Variants in PTPRG observed in about 807,000 individuals in gnomAD.
PTPRG encodes protein tyrosine phosphatase receptor type G, also known as receptor-type tyrosine-protein phosphatase gamma.
In PTPRG, 102 loss-of-function variants were observed where a neutral mutation model predicts 165.3. That is an observed-to-expected ratio of 0.62 (90% confidence interval 0.53 to 0.73). The LOEUF is 0.73. PTPRG is among the 30% of genes least tolerant of loss of function. PTPRG has a pLI of 0.00. For missense variants in PTPRG, 1,866 were observed against 1,861.4 expected, an observed-to-expected ratio of 1.00 and a Z score of -0.05; for synonymous variants, 675 against 669.5, an observed-to-expected ratio of 1.01 and a Z score of -0.13.
chr3:61,763,879 T>TATTTAA (rs1053123749), intron 2 of PTPRG, among the ~76,000 whole-genome samples: 1 of 152,250 alleles, frequency 6.6e-6, no homozygotes, highest in Non-Finnish European at 1.5e-5. Context: ...TACATTTGGC[T>TATTTAA]ATTTAAATTT....
At chr3:62,136,490 C>T (rs557221655) in intron 6 of PTPRG, among the ~76,000 whole-genome samples, 1 of 152,212 alleles carries the variant, frequency 6.6e-6, no homozygotes, top group Non-Finnish European at 1.5e-5. Flanking sequence ...GAATGGATGA[C>T]CAGCTCAGTG....
intron 2 of PTPRG, among the ~76,000 whole-genome samples, chr3:61,883,996 G>A (rs1308635649): frequency 1.3e-5 from 2 of 152,168 alleles, no homozygotes; most frequent in African/African-American, 4.8e-5. Flanking sequence ...GATTACAGGT[G>A]TACAACATTC....
chr3:62,277,833 T>G (rs1702283631), intron 26 of PTPRG, among the ~76,000 whole-genome samples, 154 bp downstream of exon 26: 1 of 152,114 alleles, frequency 6.6e-6, no homozygotes, highest in African/African-American at 2.4e-5. Flanking sequence ...GGAGATTCCT[T>G]TCATAGTCTC....
chr3:62,201,294 T>C (rs1700090858), intron 10 of PTPRG, among the ~76,000 whole-genome samples: 1 of 152,224 alleles, frequency 6.6e-6, no homozygotes, highest in Admixed American at 6.5e-5. Context: ...AGCACGCTAC[T>C]ACCCACAAAC....
At chr3:62,230,129 C>A (rs1026570467) in intron 13 of PTPRG, among the ~76,000 whole-genome samples, 2 of 152,204 alleles carry the variant, frequency 1.3e-5, no homozygotes, top group East Asian at 1.9e-4. Flanking sequence ...AATCCCTCCC[C>A]CCTTTTAATC....
chr3:61,645,684 A>G (rs1449451706), intron 1 of PTPRG, among the ~76,000 whole-genome samples: 2 of 152,194 alleles, frequency 1.3e-5, no homozygotes, highest in Non-Finnish European at 2.9e-5. Flanking sequence ...TTTAGATCCT[A>G]TGGACCATAC....
chr3:62,066,835 C>G (rs1248565122), intron 4 of PTPRG, among the ~76,000 whole-genome samples: 1 of 152,102 alleles, frequency 6.6e-6, no homozygotes, highest in Non-Finnish European at 1.5e-5. Context: ...GTCAGGAGAT[C>G]TAGACCATCC....
At chr3:61,945,828 G>C (rs1439801277) in intron 2 of PTPRG, among the ~76,000 whole-genome samples, 1 of 152,176 alleles carries the variant, frequency 6.6e-6, no homozygotes, top group Non-Finnish European at 1.5e-5. Context: ...TACTGACAGT[G>C]ACTCTGAGAG....
At chr3:61,828,620 T>G (rs999276530) in intron 2 of PTPRG, among the ~76,000 whole-genome samples, 2 of 152,164 alleles carry the variant, frequency 1.3e-5, no homozygotes, top group African/African-American at 4.8e-5. Context: ...CCAGAGGAAG[T>G]GCTGTGTGAA....
intron 2 of PTPRG, among the ~76,000 whole-genome samples, chr3:61,926,866 A>G (rs1029633927): frequency 6.6e-5 from 10 of 151,896 alleles, no homozygotes; most frequent in African/African-American, 1.5e-4. Flanking sequence ...GACAGTGTTC[A>G]TAGTGTTAGG....
intron 5 of PTPRG, among the ~76,000 whole-genome samples, chr3:62,088,361 T>G (rs1701818856): frequency 6.6e-6 from 1 of 152,154 alleles, no homozygotes; most frequent in Non-Finnish European, 1.5e-5. Flanking sequence ...TTCATCTCGG[T>G]AGAGGGGGGT....
At chr3:61,651,775 C>CG (rs1559540873) in intron 1 of PTPRG, among the ~76,000 whole-genome samples, 1 of 151,908 alleles carries the variant, frequency 6.6e-6, no homozygotes, top group Non-Finnish European at 1.5e-5. Context: ...TTTGGGAGGC[C>CG]GAGGTAGGTG....
chr3:62,087,632 A>G (rs1701794932), intron 5 of PTPRG, among the ~76,000 whole-genome samples: 1 of 152,212 alleles, frequency 6.6e-6, no homozygotes, highest in African/African-American at 2.4e-5. Context: ...ACTCAAAATT[A>G]CACAGGCCAC....
At chr3:62,052,554 G>C (rs1324408432) in intron 4 of PTPRG, among the ~76,000 whole-genome samples, 1 of 152,152 alleles carries the variant, frequency 6.6e-6, no homozygotes, top group Non-Finnish European at 1.5e-5. Flanking sequence ...ATGTAACCAG[G>C]CATGGTGGCA....
chr3:62,143,051 C>A (rs1312281267), intron 6 of PTPRG, among the ~76,000 whole-genome samples: 1 of 152,188 alleles, frequency 6.6e-6, no homozygotes, highest in African/African-American at 2.4e-5. Flanking sequence ...ACTGGCTCTT[C>A]TGACTCCAGG....
intron 2 of PTPRG, among the ~76,000 whole-genome samples, chr3:61,981,044 A>C (rs116166974): frequency 6.6e-6 from 1 of 152,216 alleles, no homozygotes; most frequent in Admixed American, 6.5e-5. Flanking sequence ...AAGAGGTTCA[A>C]TTGACTCATA....
rs138490278 is a variant in PTPRG at position 62,204,660 on chromosome 3, A to T, written c.2155+710A>T. The stretch of plus-strand genomic sequence containing the variant: ...AGAAGTGGCTTGTTCATGGAAACCT[A>T]CAGAATGAAAGGCTTCAGCCTGGGG... On this transcript the variant is annotated intron_variant, in intron 12 of 29. Coordinates refer to ENST00000474889, the MANE Select transcript of PTPRG (RefSeq NM_002841.4). 4.4e-3 allele frequency among the ~76,000 whole-genome samples: 674 copies of T among 152,350 alleles called. 2 individuals carry two copies. Among genetic ancestry groups the T allele is most frequent in the Admixed American group, 5.6e-3 (85 of 15,306 alleles).
chr3:61,797,235 A>G (rs568232534), intron 2 of PTPRG, among the ~76,000 whole-genome samples: 2 of 152,340 alleles, frequency 1.3e-5, no homozygotes, highest in South Asian at 4.1e-4. Context: ...TCACTGATGC[A>G]GAAATTTCTT....
At chr3:61,664,723 AGGGAGGCTGGGGT>A (rs1229779271) in intron 1 of PTPRG, among the ~76,000 whole-genome samples, 1 of 152,104 alleles carries the variant, frequency 6.6e-6, no homozygotes, top group Non-Finnish European at 1.5e-5. Flanking sequence ...CCCAGCTACT[AGGGAGGCTGGGGT>A]GGGAGGCTCC....
Sources: gnomAD v4.1 joint callset for allele counts (sites outside exome capture counted in the v4.1 genomes callset) on GRCh38, gnomAD v4.1.1 for gene constraint, MANE v1.5 for transcripts, NCBI Gene and HGNC (gene_info 2026-07-23, HGNC 2026-07-21) for gene names.